SYNE3: variants seen among roughly 807,000 people sequenced by gnomAD.
SYNE3 encodes the protein spectrin repeat containing nuclear envelope family member 3.
Under a neutral mutation model 111.2 loss-of-function variants are expected in SYNE3, and 100 were observed. The ratio of observed to expected loss-of-function variants is 0.90; its 90% CI spans 0.77 to 1.06. The LOEUF (loss-of-function observed/expected upper bound fraction) is 1.06. SYNE3 is among the 50% of genes least tolerant of loss of function. SYNE3 has a pLI of 0.00. For synonymous variants in SYNE3, 547 were observed against 533.9 expected (o/e 1.02, Z -0.34); for missense variants, 1,160 against 1,240.3 (o/e 0.94, Z 0.97).
At chr14:95,506,725 C>G (rs1468708713) in intron 1 of SYNE3, among the ~76,000 whole-genome samples, 1 of 152,200 alleles carries the variant, frequency 6.6e-6, no homozygotes, top group Non-Finnish European at 1.5e-5. Context: ...TGACCCAGCA[C>G]CTTCTGCTTG....
intron 1 of SYNE3, among the ~76,000 whole-genome samples, chr14:95,503,364 T>G (rs1271284956): frequency 2.0e-5 from 3 of 152,210 alleles, no homozygotes; most frequent in African/African-American, 7.2e-5. Flanking sequence ...TGCCAGGCAT[T>G]GGGCTCAGTC....
At chr14:95,438,593 A>C (rs1267278905) in intron 14 of SYNE3, 1 of 169,908 alleles carries the variant, frequency 5.9e-6, no homozygotes, top group Non-Finnish European at 1.3e-5. Flanking sequence ...AATAACAAGG[A>C]ATAACTTTCT....
chr14:95,482,635 A>G (rs1031123468), intron 1 of SYNE3, among the ~76,000 whole-genome samples: 4 of 152,090 alleles, frequency 2.6e-5, no homozygotes, highest in Non-Finnish European at 4.4e-5. Flanking sequence ...GGCGGGCATT[A>G]TTTGTCCCAT....
At chr14:95,437,564 A>G (rs1057081046) in intron 14 of SYNE3, among the ~76,000 whole-genome samples, 1 of 152,116 alleles carries the variant, frequency 6.6e-6, no homozygotes, top group African/African-American at 2.4e-5. Flanking sequence ...TTCAGCTGAG[A>G]TGTCTTATCT....
intron 1 of SYNE3, among the ~76,000 whole-genome samples, chr14:95,503,530 T>A (rs1285608481): frequency 6.6e-6 from 1 of 152,038 alleles, no homozygotes; most frequent in Non-Finnish European, 1.5e-5. Context: ...ACCATTAATA[T>A]TTGCTGAATG....
chr14:95,506,713 C>T (rs1302706426), intron 1 of SYNE3, among the ~76,000 whole-genome samples: 2 of 152,188 alleles, frequency 1.3e-5, no homozygotes, highest in Non-Finnish European at 2.9e-5. Context: ...TTGGAACGGG[C>T]GTGACCCAGC....
In SYNE3 at chr14:95,439,949, G is replaced by T; in HGVS notation, c.2038C>A (p.Pro680Thr). ...GCCTCTTGGGACTCGGCATCCCCCGGGCCCGCCTCTCCCCGGTGTGCCTCC... is the reference window on the plus strand; with the variant it reads ...GCCTCTTGGGACTCGGCATCCCCCGTGCCCGCCTCTCCCCGGTGTGCCTCC... The part of the protein sequence containing the change: ...KLEAHRGEAG[P>T]GDAESQEAEF... The change falls in exon 12 of 18, where the codon CCG (proline) becomes ACG (threonine). Residue 680 changes from proline to threonine, a missense_variant. Coordinates refer to ENST00000682763, the MANE Select transcript of SYNE3 (RefSeq NM_152592.6). The T allele has an allele frequency of 6.2e-7, 1 of 1,613,890 alleles. No homozygotes were observed. The highest frequency in any genetic ancestry group is 8.5e-7 in the Non-Finnish European group (1 of 1,179,942).
chr14:95,444,549 A>G lies in SYNE3; in HGVS notation c.1712T>C (p.Val571Ala), dbSNP rs776518247. The G allele has an allele frequency of 1.9e-6, 3 of 1,613,572 alleles. No individual in the cohort carries two copies. Among genetic ancestry groups the G allele is most frequent in the Admixed American group, 1.7e-5 (1 of 59,970 alleles). ...CCGCTGAAGCCCCTTCTCGGCTTGG[A>G]CCCTGACCTGGAGGTCCAAGAGCTT... is the stretch of plus-strand genomic sequence containing the variant. ...QRKLLDLQVR[V>A]QAEKGLQRDL... Residue 571 changes from valine (V) to alanine (A), a missense_variant, in exon 10 of 18, where the codon GTC becomes GCC. Coordinates refer to ENST00000682763, the MANE Select transcript of SYNE3 (RefSeq NM_152592.6).
intron 8 of SYNE3, chr14:95,449,486 G>A (rs573481325): frequency 1.7e-4 from 169 of 985,434 alleles, no homozygotes; most frequent in Admixed American, 8.0e-4. Flanking sequence ...GCCATGAGGC[G>A]AGACCTGGCT....
intron 17 of SYNE3, among the ~76,000 whole-genome samples, chr14:95,425,961 T>C (rs1315847835): frequency 6.6e-6 from 1 of 152,118 alleles, no homozygotes; most frequent in Non-Finnish European, 1.5e-5. Context: ...TCGACCCCAG[T>C]GCCCCAGGGC....
intron 1 of SYNE3, among the ~76,000 whole-genome samples, chr14:95,511,304 A>C (rs956213525): frequency 1.3e-5 from 2 of 152,254 alleles, no homozygotes; most frequent in African/African-American, 4.8e-5. Flanking sequence ...GAAGATTCTA[A>C]GCACTGCTTC....
Position 95,407,984 on chromosome 14 carries a change from C to T in SYNE3, c.*9842G>A, listed in dbSNP as rs1464057106. On this transcript the variant is annotated 3_prime_UTR_variant, in exon 18 of 18. Transcript: ENST00000682763. ...ACCTCGTTTATGCAGAGGTTGGACTCAAGGCGATCGCAGCACTCAATCTGG... is the reference window on the plus strand; with the variant it reads ...ACCTCGTTTATGCAGAGGTTGGACTTAAGGCGATCGCAGCACTCAATCTGG... The T allele has an allele frequency of 6.6e-6, 1 of 152,182 alleles. No individual in the cohort carries two copies. The highest frequency in any genetic ancestry group is 2.4e-5 in the African/African-American group (1 of 41,434). The allele number at this position is 152,182 out of a possible 1,614,324, so 9.4% of individuals were successfully genotyped here. A position where few individuals can be genotyped will look rare whatever the true frequency, so the allele number is the denominator to read the frequency against.
At chr14:95,491,125 G>T (rs1012560221) in intron 1 of SYNE3, among the ~76,000 whole-genome samples, 5 of 152,204 alleles carry the variant, frequency 3.3e-5, no homozygotes, top group Non-Finnish European at 7.3e-5. Flanking sequence ...TTTTAGGCTG[G>T]CTCTAGATCT....
At chr14:95,472,296 CCAGGACCCAGATA>C (rs1428032686) in intron 2 of SYNE3, among the ~76,000 whole-genome samples, 1 of 152,214 alleles carries the variant, frequency 6.6e-6, no homozygotes, top group Non-Finnish European at 1.5e-5. Context: ...CTGGCTCAGG[CCAGGACCCAGATA>C]CAGGACAAGG....
rs958693431 is a variant in SYNE3 at position 95,500,835 on chromosome 14, A to G, written c.-15+15761T>C. 2.0e-5 allele frequency among the ~76,000 whole-genome samples: 3 copies of G among 152,226 alleles called. No individual in the cohort carries two copies. Among genetic ancestry groups the G allele is most frequent in the African/African-American group, 7.2e-5 (3 of 41,468 alleles). Reference sequence around the variant, plus strand: ...ACCCAACTGGAAGAAGCAAACGGTCAGCACACGAGCCCCATTCTTTGTACT... The same window carrying G: ...ACCCAACTGGAAGAAGCAAACGGTCGGCACACGAGCCCCATTCTTTGTACT... On this transcript the variant is annotated intron_variant, in intron 1 of 17. Transcript: ENST00000682763. This position sits in a 1 kb window ranked among gnomAD's most constrained non-coding sequence, Gnocchi z 4.7.
intron 1 of SYNE3, among the ~76,000 whole-genome samples, chr14:95,495,412 T>G (rs1019476662): frequency 2.0e-5 from 3 of 152,220 alleles, no homozygotes; most frequent in Non-Finnish European, 4.4e-5. Context: ...GGTGTCAAGG[T>G]TATCACTGGG....
intron 8 of SYNE3, chr14:95,449,657 G>A: frequency 1.0e-6 from 1 of 985,408 alleles, no homozygotes; most frequent in Non-Finnish European, 1.2e-6. Context: ...GCTCTCTCAG[G>A]AGTGCTAATG....
intron 17 of SYNE3, chr14:95,429,974 G>GGAAA (rs2139366425): frequency 4.3e-6 from 1 of 234,746 alleles, no homozygotes; most frequent in South Asian, 1.3e-4. Flanking sequence ...AACTAAGGAA[G>GGAAA]GAAGGAAGGA....
chr14:95,498,945 A>G (rs1421470672), intron 1 of SYNE3, among the ~76,000 whole-genome samples: 3 of 152,224 alleles, frequency 2.0e-5, no homozygotes, highest in Non-Finnish European at 2.9e-5. Flanking sequence ...GCTTTGGTTT[A>G]CAAAAACAAC....
Sources: gnomAD v4.1 joint callset for allele counts (sites outside exome capture counted in the v4.1 genomes callset) on GRCh38, gnomAD v4.1.1 for gene constraint, Gnocchi (gnomAD v3.1) non-coding constraint, MANE v1.5 for transcripts, NCBI Gene and HGNC (gene_info 2026-07-23, HGNC 2026-07-21) for gene names.